Variants in DNAH8 observed in about 807,000 individuals in gnomAD.
DNAH8 encodes dynein axonemal heavy chain 8.
DNAH8 carries 382 observed loss-of-function variants against 562.1 expected under a neutral mutation model. The observed-to-expected ratio is 0.68, with a 90% CI of 0.63 to 0.74. The LOEUF (loss-of-function observed/expected upper bound fraction) is 0.74, where lower values mean the gene tolerates loss of function less well. DNAH8 is among the 30% of genes least tolerant of loss of function. The pLI, the probability that DNAH8 is intolerant of heterozygous loss-of-function variation, is 0.00. For missense variants in DNAH8, 5,203 were observed against 5,620.4 expected (o/e 0.93, Z 2.37); for synonymous variants, 1,881 against 1,919.4 (o/e 0.98, Z 0.52).
At chr6:38,983,111 G>A (rs1561941724) in intron 86 of DNAH8, among the ~76,000 whole-genome samples, 1 of 152,202 alleles carries the variant, frequency 6.6e-6, no homozygotes, top group African/African-American at 2.4e-5. Context: ...CACATATAAA[G>A]GGTTGGAAAT....
intron 39 of DNAH8, among the ~76,000 whole-genome samples, chr6:38,852,144 A>G (rs988644752): frequency 2.6e-5 from 4 of 152,176 alleles, no homozygotes; most frequent in African/African-American, 2.4e-5. Context: ...ATACTTCTCA[A>G]ATGCTTTTAG....
chr6:38,805,493 A>T lies in DNAH8; in HGVS notation c.3047A>T (p.His1016Leu). Residue 1016 changes from histidine (H) to leucine (L), a missense_variant, in exon 23 of 93, where the codon CAC becomes CTC. His to Leu is a moderately conservative substitution (Grantham distance 99). Around this residue, in one of 6 missense-constraint regions of DNAH8, gnomAD observed 2,176 missense variants for 2,365.1 expected, o/e 0.92. Transcript: ENST00000327475. Reference protein sequence around the residue: ...KVGKQSEQRKHVVFGSETGEG... With the variant: ...KVGKQSEQRKLVVFGSETGEG... ...CTTTTGTCTATAGAACAGCGGAAACACGTTGTTTTTGGAAGTGAAACAGGA... is the reference window on the plus strand; with the variant it reads ...CTTTTGTCTATAGAACAGCGGAAACTCGTTGTTTTTGGAAGTGAAACAGGA... 1 of 1,605,380 alleles carries T rather than the reference A, an allele frequency of 6.2e-7. No individual in the cohort carries two copies. The highest frequency in any genetic ancestry group is 8.5e-7 in the Non-Finnish European group (1 of 1,172,400).
intron 53 of DNAH8, 70 bp downstream of exon 53, chr6:38,875,898 CTCT>C (rs1777958780): frequency 1.0e-6 from 1 of 958,254 alleles, no homozygotes; most frequent in South Asian, 1.5e-5. Context: ...CTTTCATAAA[CTCT>C]TCTATGAGAG....
intron 88 of DNAH8, among the ~76,000 whole-genome samples, chr6:39,006,032 CA>C (rs372806007): frequency 2.1e-4 from 32 of 152,358 alleles, no homozygotes; most frequent in African/African-American, 7.7e-4. Flanking sequence ...CTTCAGCTGA[CA>C]GCCAGCAAGA....
intron 33 of DNAH8, among the ~76,000 whole-genome samples, chr6:38,838,565 A>AT (rs1178428542): frequency 1.3e-5 from 2 of 151,896 alleles, no homozygotes; most frequent in Admixed American, 6.6e-5. Flanking sequence ...TGGCCGGCTA[A>AT]TTTTTTTGTG....
In DNAH8 at chr6:38,889,979, C is replaced by T. The variant is rs1278978396; in HGVS notation, c.8474-673C>T. Among the ~76,000 whole-genome samples the T allele has an allele frequency of 6.6e-5, 10 of 152,282 alleles. 1 individual carries two copies. Among genetic ancestry groups the T allele is most frequent in the South Asian group, 4.2e-4 (2 of 4,814 alleles). On this transcript the variant is annotated intron_variant, in intron 57 of 92. Transcript: ENST00000327475. ...GAGTGAAGCAGAGTAAATCTTTCTT[C>T]GGTCTAAATCAAAGACATTCTGAGA...
intron 8 of DNAH8, among the ~76,000 whole-genome samples, chr6:38,749,849 TG>T (rs770229636): frequency 6.6e-6 from 1 of 152,250 alleles, no homozygotes; most frequent in Non-Finnish European, 1.5e-5. Context: ...TTATTTTTTT[TG>T]AGACAAAGTC....
At chr6:38,812,505 A>G (rs902865845) in intron 24 of DNAH8, among the ~76,000 whole-genome samples, 2 of 152,222 alleles carry the variant, frequency 1.3e-5, no homozygotes, top group Non-Finnish European at 2.9e-5. Flanking sequence ...TTCTGGGATC[A>G]GAATCCCTTT....
intron 74 of DNAH8, chr6:38,928,204 A>G (rs115747301): frequency 1.3e-5 from 2 of 152,190 alleles, no homozygotes; most frequent in Non-Finnish European, 2.9e-5. Context: ...GTGGCTACCA[A>G]ATAGTGTTTC....
At chr6:38,902,527 G>C (rs556184384) in intron 62 of DNAH8, among the ~76,000 whole-genome samples, 33 of 152,244 alleles carry the variant, frequency 2.2e-4, no homozygotes, top group African/African-American at 7.9e-4. Flanking sequence ...TCTTGCCCGT[G>C]TTTTCCCATC....
Position 38,882,993 on chromosome 6 carries a change from C to T in DNAH8, c.7942C>T (p.Pro2648Ser). 6.2e-7 allele frequency: 1 copy of T among 1,604,908 alleles called. No homozygotes were observed. Among genetic ancestry groups the T allele is most frequent in the Non-Finnish European group, 8.5e-7 (1 of 1,176,804 alleles). The change falls in exon 54 of 93, where the codon CCA becomes TCA. Residue 2648 changes from proline to serine, a missense_variant. Around this residue, in one of 6 missense-constraint regions of DNAH8, gnomAD observed 977 missense variants for 1,061.8 expected, o/e 0.92. Transcript: ENST00000327475. The stretch of plus-strand genomic sequence containing the variant: ...TCCGGAATATTCATCAATTTTGGTT[C>T]CAAATGTTGACAATATTAGAACAAA... The part of the protein sequence containing the change: ...SIPEYSSILV[P>S]NVDNIRTNFL...
chr6:38,986,522 T>C (rs1583512156), intron 87 of DNAH8, among the ~76,000 whole-genome samples: 1 of 152,060 alleles, frequency 6.6e-6, no homozygotes, highest in Non-Finnish European at 1.5e-5. Context: ...TTCATAAAAA[T>C]AATAAACTCG....
chr6:38,915,335 G>A lies in DNAH8; in HGVS notation c.10098G>A (p.Glu3366=). The change falls in exon 68 of 93, where the codon GAG becomes GAA. Residue 3366 remains glutamate (E), a synonymous_variant. Transcript: ENST00000327475. The part of the protein sequence containing the change: ...SEKVKAESKL[E]AAKPALEEAE... Reference sequence around the variant, plus strand: ...AAGTGAAAGCTGAAAGCAAGCTTGAGGCAGCTAAACCTGCACTGGAAGAAG... The same window carrying A: ...AAGTGAAAGCTGAAAGCAAGCTTGAAGCAGCTAAACCTGCACTGGAAGAAG... 1 of 1,609,072 alleles carries A rather than the reference G, an allele frequency of 6.2e-7. No homozygotes were observed. Among genetic ancestry groups the A allele is most frequent in the Non-Finnish European group, 8.5e-7 (1 of 1,178,192 alleles).
rs760427531 is a variant in DNAH8, at chr6:38,896,025, C to T, written c.8748-8C>T. On this transcript the variant is annotated splice_polypyrimidine_tract_variant and splice_region_variant and intron_variant, in intron 59 of 92. Transcript: ENST00000327475. Reference sequence around the variant, plus strand: ...TTTAACATTCTTACTACTACATTTTCCTTTCAGATTTATAACTCCTGAAGA... The same window carrying T: ...TTTAACATTCTTACTACTACATTTTTCTTTCAGATTTATAACTCCTGAAGA... 8 of 1,606,716 alleles carry T rather than the reference C, an allele frequency of 5.0e-6. No homozygotes were observed. The East Asian group carries it at 1.8e-4, about 36-fold the overall frequency.
At position 38,874,694 on chromosome 6, in the gene DNAH8, T is replaced by C. The variant is rs1777853126; in HGVS notation, c.7621-897T>C. On this transcript the variant is annotated intron_variant, in intron 52 of 92. Coordinates refer to ENST00000327475, the MANE Select transcript of DNAH8 (RefSeq NM_001206927.2). ...AGCATTCTTTATTTCCTACTCGGTT[T>C]TCCTTATTAGTCTTTGAGTTAAAAC... Among the ~76,000 whole-genome samples the C allele has an allele frequency of 3.3e-5, 5 of 152,058 alleles. No individual in the cohort carries two copies. The South Asian group carries it at 1.0e-3, about 32-fold the overall frequency.
chr6:38,903,903 C>A, intron 62 of DNAH8, among the ~76,000 whole-genome samples: 1 of 152,080 alleles, frequency 6.6e-6, no homozygotes. Flanking sequence ...AGCCACCGCG[C>A]CCAGCCACAG....
chr6:38,837,909 T>C (rs1180479031), intron 32 of DNAH8, 33 bp from the exon 33 acceptor site: 1 of 1,390,294 alleles, frequency 7.2e-7, no homozygotes, highest in Non-Finnish European at 1.0e-6. Context: ...GAATTAATTG[T>C]ATTTTAGTAC....
At chr6:38,830,517 C>G (rs957722415) in intron 30 of DNAH8, among the ~76,000 whole-genome samples, 3 of 151,736 alleles carry the variant, frequency 2.0e-5, no homozygotes, top group East Asian at 3.9e-4. Flanking sequence ...CACCTGTAGT[C>G]CCAGCTACTT....
intron 82 of DNAH8, among the ~76,000 whole-genome samples, chr6:38,969,325 G>T (rs1013123718): frequency 1.3e-5 from 2 of 152,130 alleles, no homozygotes; most frequent in African/African-American, 4.8e-5. Flanking sequence ...TATTTATTGA[G>T]CATCTACTGA....
Sources: allele counts gnomAD v4.1 joint callset (sites outside exome capture counted in the v4.1 genomes callset), GRCh38; gene constraint gnomAD v4.1.1; regional missense constraint gnomAD v4.1.1; transcripts MANE v1.5; gene names NCBI Gene and HGNC (gene_info 2026-07-23, HGNC 2026-07-21).